KLRG1: variants seen among roughly 807,000 people sequenced by gnomAD.
The protein encoded by KLRG1 is killer cell lectin-like receptor subfamily G member 1.
In KLRG1, 16 loss-of-function variants were observed where a neutral mutation model predicts 21.8. That is an observed-to-expected ratio of 0.73 (90% CI 0.50 to 1.11). The LOEUF is 1.11. Ranked by LOEUF, KLRG1 falls within the 50% of genes most tolerant of loss-of-function variation. The pLI, the probability that KLRG1 is intolerant of heterozygous loss-of-function variation, is 0.00. For synonymous variants in KLRG1, 69 were observed against 75.9 expected (o/e 0.91, Z 0.47); for missense variants, 173 against 218.3 (o/e 0.79, Z 1.31).
the KLRG1 span, among the ~76,000 whole-genome samples, chr12:9,092,061 C>G: frequency 6.6e-6 from 1 of 152,168 alleles, no homozygotes; most frequent in Non-Finnish European, 1.5e-5. Context: ...TTCGTCTACC[C>G]ACTTTATCAG....
the KLRG1 span, chr12:9,192,253 T>A: frequency 6.2e-7 from 1 of 1,613,948 alleles, no homozygotes; most frequent in Non-Finnish European, 8.5e-7. Context: ...CCCTTAGCCA[T>A]GATCTGAAAT....
chr12:8,976,806 C>A (rs1946663584), intron 1 of KLRG1, among the ~76,000 whole-genome samples: 1 of 151,888 alleles, frequency 6.6e-6, no homozygotes, highest in South Asian at 2.1e-4. Context: ...AGTGCAATGG[C>A]GTGCATTTTG....
At chr12:9,154,554 A>T in the KLRG1 span, 1 of 1,456,234 alleles carries the variant, frequency 6.9e-7, no homozygotes, top group Non-Finnish European at 9.5e-7. Context: ...TAACTGTTCT[A>T]CTTTTAAGCC....
the KLRG1 span, among the ~76,000 whole-genome samples, chr12:9,168,251 A>G: frequency 6.6e-6 from 1 of 152,344 alleles, no homozygotes; most frequent in East Asian, 1.9e-4. Flanking sequence ...CATATAGGAT[A>G]TCTGATTTCC....
chr12:8,967,543 G>A (rs1443349601), intron 1 of KLRG1, among the ~76,000 whole-genome samples: 5 of 151,564 alleles, frequency 3.3e-5, no homozygotes, highest in East Asian at 2.0e-4. Context: ...GCAACATAGC[G>A]AGACTCCGTC....
the KLRG1 span, among the ~76,000 whole-genome samples, chr12:9,122,094 G>A: frequency 6.6e-6 from 1 of 152,048 alleles, no homozygotes; most frequent in Non-Finnish European, 1.5e-5. Flanking sequence ...TTTATTTTCT[G>A]ATTAAGAAAT....
At chr12:9,001,127 A>G (rs1947294417) in intron 3 of KLRG1, among the ~76,000 whole-genome samples, 2 of 152,190 alleles carry the variant, frequency 1.3e-5, no homozygotes, top group South Asian at 4.1e-4. Context: ...ATTTTCAAGT[A>G]ATATGCTCTA....
At chr12:9,097,357 T>TAGAAAA in the KLRG1 span, among the ~76,000 whole-genome samples, 2 of 152,116 alleles carry the variant, frequency 1.3e-5, no homozygotes, top group African/African-American at 4.8e-5. Context: ...AGAAAAAGCT[T>TAGAAAA]CAGTAAGAGG....
chr12:9,180,824 T>A, the KLRG1 span, among the ~76,000 whole-genome samples: 2 of 152,124 alleles, frequency 1.3e-5, no homozygotes, highest in East Asian at 3.9e-4. Context: ...CTAAAGAGCT[T>A]CTGCACAGCA....
the KLRG1 span, among the ~76,000 whole-genome samples, chr12:9,138,274 A>G: frequency 6.6e-6 from 1 of 151,874 alleles, no homozygotes; most frequent in East Asian, 1.9e-4. Flanking sequence ...TTATATAATT[A>G]TGTGATTTTT....
At chr12:8,965,808 G>T (rs1287057756) in intron 1 of KLRG1, among the ~76,000 whole-genome samples, 2 of 152,146 alleles carry the variant, frequency 1.3e-5, no homozygotes, top group African/African-American at 4.8e-5. Context: ...AGCTAGCAAT[G>T]ACTTTCTTCA....
intron 1 of KLRG1, among the ~76,000 whole-genome samples, chr12:8,991,243 T>G (rs984591490): frequency 3.3e-5 from 5 of 152,132 alleles, no homozygotes; most frequent in African/African-American, 1.2e-4. Flanking sequence ...AAAATAAAGA[T>G]TTGCTGAAAA....
the KLRG1 span, among the ~76,000 whole-genome samples, chr12:9,199,548 G>GGAAA: frequency 6.6e-6 from 1 of 151,976 alleles, no homozygotes; most frequent in African/African-American, 2.4e-5. Flanking sequence ...ATTGCCCAGA[G>GGAAA]GAAAGATTAG....
At chr12:9,023,478 G>T in the KLRG1 span, among the ~76,000 whole-genome samples, 12 of 152,002 alleles carry the variant, frequency 7.9e-5, no homozygotes, top group Non-Finnish European at 1.3e-4. Flanking sequence ...GGCCACAAAG[G>T]TTGCCTTAAT....
At chr12:9,160,970 C>T in the KLRG1 span, 7 of 1,275,036 alleles carry the variant, frequency 5.5e-6, no homozygotes, top group African/African-American at 7.4e-5. Context: ...AATACAAATA[C>T]GTAGATAAGA....
At chr12:9,135,143 C>T in the KLRG1 span, 131 of 218,966 alleles carry the variant, frequency 6.0e-4, no homozygotes, top group African/African-American at 2.7e-3. Flanking sequence ...CCAAGTTTCT[C>T]CACAGCAAAG....
At chr12:9,013,804 C>CTA (rs1187502706), downstream of KLRG1, among the ~76,000 whole-genome samples, 1 of 152,108 alleles carries the variant, frequency 6.6e-6, no homozygotes, top group Admixed American at 6.6e-5. Context: ...ATTGTGGGAG[C>CTA]TATAATTCAA....
At chr12:9,136,555 G>A in the KLRG1 span, among the ~76,000 whole-genome samples, 1 of 151,998 alleles carries the variant, frequency 6.6e-6, no homozygotes, top group African/African-American at 2.4e-5. Flanking sequence ...ATATATGCAT[G>A]TATATATAAT....
At chr12:9,002,971 G>C (rs1024580019) in intron 3 of KLRG1, among the ~76,000 whole-genome samples, 2 of 149,338 alleles carry the variant, frequency 1.3e-5, no homozygotes, top group African/African-American at 5.0e-5. Flanking sequence ...TAGAATATAA[G>C]GTTATTGTAC....
Sources: allele counts gnomAD v4.1 joint callset (sites outside exome capture counted in the v4.1 genomes callset), GRCh38; gene constraint gnomAD v4.1.1; transcripts MANE v1.5; gene names NCBI Gene and HGNC (gene_info 2026-07-23, HGNC 2026-07-21).